The following RNF150 variants were observed in gnomAD, a reference collection of about 807,000 sequenced individuals.
The protein encoded by RNF150 is ring finger protein 150.
A neutral mutation model predicts 39.3 loss-of-function variants in RNF150; 24 were observed. That is an observed-to-expected ratio of 0.61 (90% CI 0.44 to 0.86). The LOEUF is 0.86. Among genes scored for constraint, RNF150 ranks in the 40% least tolerant of loss-of-function variants. The probability of loss-of-function intolerance (pLI) is 0.00; values close to 1 mark genes in which losing one functional copy is unlikely to be tolerated. For missense variants in RNF150, 502 were observed against 587.8 expected, an observed-to-expected ratio of 0.85 and a Z score of 1.51; for synonymous variants, 255 against 227.3, an observed-to-expected ratio of 1.12 and a Z score of -1.10.
intron 1 of RNF150, among the ~76,000 whole-genome samples, chr4:141,029,786 T>A (rs1735854411): frequency 6.6e-6 from 1 of 152,184 alleles, no homozygotes; most frequent in South Asian, 2.1e-4. Context: ...GATAAGGGAT[T>A]ACTATCCAGA....
chr4:140,919,972 C>A (rs2111301931), intron 5 of RNF150, among the ~76,000 whole-genome samples: 3 of 152,256 alleles, frequency 2.0e-5, no homozygotes, highest in Middle Eastern at 3.4e-3. Context: ...GCTGGGAAAA[C>A]TGGCTAGCCA....
chr4:141,056,894 G>T (rs1736994493), intron 1 of RNF150, among the ~76,000 whole-genome samples: 1 of 152,008 alleles, frequency 6.6e-6, no homozygotes, highest in African/African-American at 2.4e-5. Context: ...GAGGAAAGAA[G>T]AAAATCTATC....
chr4:141,091,657 A>AGTAG (rs1184585865), intron 1 of RNF150, among the ~76,000 whole-genome samples: 1 of 152,176 alleles, frequency 6.6e-6, no homozygotes, highest in Non-Finnish European at 1.5e-5. Context: ...GTTGAGCTAG[A>AGTAG]GTAGGTGTAG....
intron 1 of RNF150, among the ~76,000 whole-genome samples, chr4:140,988,067 A>C (rs1734070490): frequency 6.6e-6 from 1 of 152,164 alleles, no homozygotes; most frequent in Non-Finnish European, 1.5e-5. Context: ...ATCTCACACC[A>C]GTCACAATGG....
intron 2 of RNF150, among the ~76,000 whole-genome samples, chr4:140,961,440 A>C (rs1257092479): frequency 6.6e-6 from 1 of 152,146 alleles, no homozygotes; most frequent in Non-Finnish European, 1.5e-5. Flanking sequence ...GACAATGTAA[A>C]ATAAATGGCT....
At chr4:140,872,903 T>A (rs1729004978) in intron 6 of RNF150, among the ~76,000 whole-genome samples, 1 of 152,164 alleles carries the variant, frequency 6.6e-6, no homozygotes, top group Non-Finnish European at 1.5e-5. Context: ...CTCAATACAT[T>A]TGGAAGTCTT....
intron 1 of RNF150, among the ~76,000 whole-genome samples, chr4:141,052,286 T>C (rs1298490956): frequency 6.6e-6 from 1 of 152,132 alleles, no homozygotes; most frequent in African/African-American, 2.4e-5. Context: ...CACAATAACT[T>C]TTCCCCATAA....
chr4:140,968,075 G>A (rs1733320624), intron 1 of RNF150, among the ~76,000 whole-genome samples: 1 of 152,068 alleles, frequency 6.6e-6, no homozygotes, highest in Non-Finnish European at 1.5e-5. Flanking sequence ...TTCAGCTGCT[G>A]TTTTATATGT....
intron 1 of RNF150, among the ~76,000 whole-genome samples, chr4:141,082,640 G>T (rs374937889): frequency 6.6e-6 from 1 of 151,482 alleles, no homozygotes; most frequent in East Asian, 1.9e-4. Flanking sequence ...CCAGGCTGGA[G>T]TGCAGTGGCG....
intron 5 of RNF150, among the ~76,000 whole-genome samples, chr4:140,916,948 C>T (rs1045081968): frequency 2.0e-5 from 3 of 152,122 alleles, no homozygotes; most frequent in Admixed American, 6.5e-5. Flanking sequence ...AACTAAGCTT[C>T]ATAAGTGAAG....
intron 4 of RNF150, among the ~76,000 whole-genome samples, chr4:140,941,474 T>C (rs1015377798): frequency 1.4e-4 from 21 of 152,348 alleles, no homozygotes; most frequent in African/African-American, 5.1e-4. Flanking sequence ...CAGGAGTACA[T>C]TTTAGAAAAA....
intron 1 of RNF150, among the ~76,000 whole-genome samples, chr4:141,073,662 T>TTG (rs1737786998): frequency 1.7e-5 from 1 of 60,356 alleles, no homozygotes; most frequent in Non-Finnish European, 6.3e-5. Flanking sequence ...AATATCAAGC[T>TTG]CGGGGGGGGA....
At chr4:141,067,877 G>A (rs1164178941) in intron 1 of RNF150, among the ~76,000 whole-genome samples, 5 of 151,666 alleles carry the variant, frequency 3.3e-5, no homozygotes, top group Non-Finnish European at 7.4e-5. Context: ...GGATACAGGT[G>A]AAAATTAAGT....
upstream of RNF150, among the ~76,000 whole-genome samples, chr4:141,135,339 T>C (rs1727012485): frequency 6.6e-6 from 1 of 152,282 alleles, no homozygotes; most frequent in South Asian, 2.1e-4. Context: ...AATAGCATCC[T>C]CCACGAAAAG....
intron 1 of RNF150, among the ~76,000 whole-genome samples, chr4:141,030,068 T>C (rs1281855837): frequency 1.3e-5 from 2 of 151,822 alleles, no homozygotes; most frequent in Non-Finnish European, 2.9e-5. Context: ...TGGTGGCAGG[T>C]GCCTTAGTCC....
In RNF150 at chr4:141,183,211, A is replaced by C. The variant is rs148101858; in HGVS notation, c.-6+29583T>G. On this transcript the variant is annotated intron_variant, in intron 1 of 7. Transcript: ENST00000420921. Reference sequence around the variant, plus strand: ...TGTGTACTTATCTTCAAAGGGCTACATATTACCAGGCAGGGTGTGGAGGAC... The same window carrying C: ...TGTGTACTTATCTTCAAAGGGCTACCTATTACCAGGCAGGGTGTGGAGGAC... Among the ~76,000 whole-genome samples the C allele has an allele frequency of 2.9e-3, 435 of 152,286 alleles. 5 individuals carry two copies. The highest frequency in any genetic ancestry group is 9.4e-3 in the African/African-American group (390 of 41,566).
Position 140,911,221 on chromosome 4 carries a change from C to G in RNF150, c.1121G>C (p.Arg374Pro), listed in dbSNP as rs151203574. 9.9e-6 allele frequency: 16 copies of G among 1,614,006 alleles called. No homozygotes were observed. The African/African-American group carries it at 1.5e-4, about 15-fold the overall frequency. The change falls in exon 6 of 7, where the codon CGG becomes CCG. Residue 374 changes from arginine (R) to proline (P), a missense_variant. Transcript: ENST00000515673. ...ESSVTLDPAV[R>P]TVGALQVVQD... ...GACCACCTGCAAGGCTCCCACAGTC[C>G]GGACAGCAGGGTCCAAAGTGACTGA...
chr4:141,104,673 T>G (rs762279288), intron 1 of RNF150, among the ~76,000 whole-genome samples: 8 of 152,226 alleles, frequency 5.3e-5, no homozygotes, highest in Non-Finnish European at 1.2e-4. Context: ...GTTGCCATAT[T>G]TAGAGGAGGC....
intron 1 of RNF150, among the ~76,000 whole-genome samples, chr4:140,997,895 A>T (rs73858683): frequency 0.076 from 11,524 of 152,204 alleles, 500 homozygotes; most frequent in Middle Eastern, 0.16. Flanking sequence ...CACTAGTCAC[A>T]GATTAGGATA....
Sources: allele counts gnomAD v4.1 joint callset (sites outside exome capture counted in the v4.1 genomes callset), GRCh38; gene constraint gnomAD v4.1.1; transcripts MANE v1.5; gene names NCBI Gene and HGNC (gene_info 2026-07-23, HGNC 2026-07-21).